NTNG1: variants seen among roughly 807,000 people sequenced by gnomAD.
NTNG1 encodes the protein netrin-G1.
In NTNG1, 16 loss-of-function variants were observed where a neutral mutation model predicts 54.0. The observed-to-expected ratio is 0.30, with a 90% CI of 0.20 to 0.45. The LOEUF (loss-of-function observed/expected upper bound fraction) is 0.45. NTNG1 is among the 20% of genes least tolerant of loss of function. The pLI, the probability that NTNG1 is intolerant of heterozygous loss-of-function variation, is 1.00. For missense variants in NTNG1, 530 were observed against 678.7 expected, an observed-to-expected ratio of 0.78 and a Z score of 2.43; for synonymous variants, 255 against 263.1, an observed-to-expected ratio of 0.97 and a Z score of 0.30.
At chr1:107,261,625 C>T (rs1343119186) in intron 2 of NTNG1, among the ~76,000 whole-genome samples, 4 of 152,178 alleles carry the variant, frequency 2.6e-5, no homozygotes, top group African/African-American at 7.2e-5. Flanking sequence ...GGGCAGATCA[C>T]GAGGCCAGGA....
chr1:107,395,019 C>T, intron 3 of NTNG1, 135 bp from the exon 4 acceptor site: 1 of 721,208 alleles, frequency 1.4e-6, no homozygotes, highest in Non-Finnish European at 2.4e-6. Flanking sequence ...GCTGGGCCTG[C>T]AAATCTATCT....
At position 107,413,263 on chromosome 1, in the gene NTNG1, C is replaced by G. The variant is rs189096791; in HGVS notation, c.1087+5555C>G. 1.7e-3 allele frequency among the ~76,000 whole-genome samples: 261 copies of G among 151,668 alleles called. 2 individuals are homozygous for G. Among genetic ancestry groups the G allele is most frequent in the African/African-American group, 6.1e-3 (253 of 41,350 alleles). On this transcript the variant is annotated intron_variant, in intron 5 of 7. Transcript: ENST00000370068. ...CTGCAAGCTCCACCTCCTGGGTTCA[C>G]GCCATTCTCCCACCTCAGCCTCCTG... is the stretch of plus-strand genomic sequence containing the variant.
chr1:107,431,741 C>T (rs1675281384), intron 6 of NTNG1, among the ~76,000 whole-genome samples: 1 of 152,128 alleles, frequency 6.6e-6, no homozygotes, highest in Non-Finnish European at 1.5e-5. Context: ...CTTCATAATT[C>T]ACTCTGAAGC....
At chr1:107,395,026 A>C (rs1215184452) in intron 3 of NTNG1, 128 bp from the exon 4 acceptor site, 9 of 739,426 alleles carry the variant, frequency 1.2e-5, no homozygotes, top group Non-Finnish European at 1.9e-5. Context: ...CTGCAAATCT[A>C]TCTCTTACTA....
At chr1:107,436,448 G>T (rs1675600436) in intron 6 of NTNG1, among the ~76,000 whole-genome samples, 1 of 152,192 alleles carries the variant, frequency 6.6e-6, no homozygotes, top group African/African-American at 2.4e-5. Context: ...TTCCTTGGAA[G>T]TTTTCAGTTG....
intron 2 of NTNG1, among the ~76,000 whole-genome samples, chr1:107,317,034 C>T (rs762022697): frequency 6.6e-6 from 1 of 152,214 alleles, no homozygotes; most frequent in Non-Finnish European, 1.5e-5. Flanking sequence ...TTAACATAGT[C>T]TCTCCAAACT....
intron 2 of NTNG1, 93 bp from the exon 3 acceptor site, chr1:107,324,189 T>C (rs1044850273): frequency 9.5e-6 from 11 of 1,154,620 alleles, no homozygotes; most frequent in African/African-American, 1.5e-5. Flanking sequence ...ATTTTTTTTT[T>C]CCTTTTCTAG....
chr1:107,296,007 G>C lies in NTNG1; in HGVS notation c.247-28275G>C, dbSNP rs1322120250. Among the ~76,000 whole-genome samples, 5 of 151,914 alleles carry C rather than the reference G, an allele frequency of 3.3e-5. No individual in the cohort carries two copies. In the East Asian group the frequency reaches 9.6e-4, roughly 29 times the overall value. On this transcript the variant is annotated intron_variant, in intron 2 of 7. Transcript: ENST00000370068. ...TAACCTCTTTGGCTCATCCGTCTTT[G>C]TCTCTTTTAAATAAGTGGTTTCTGC...
intron 3 of NTNG1, among the ~76,000 whole-genome samples, chr1:107,379,468 T>G (rs1038306143): frequency 2.6e-5 from 4 of 152,100 alleles, no homozygotes; most frequent in African/African-American, 7.2e-5. Flanking sequence ...TCATGAGAGA[T>G]AAAAACATGA....
chr1:107,428,785 C>T (rs558369814), intron 5 of NTNG1, among the ~76,000 whole-genome samples: 1 of 152,168 alleles, frequency 6.6e-6, no homozygotes, highest in South Asian at 2.1e-4. Flanking sequence ...CCTCAGAAGT[C>T]AGTAATGCCA....
chr1:107,159,336 C>T (rs1655240207), intron 2 of NTNG1, among the ~76,000 whole-genome samples: 1 of 152,128 alleles, frequency 6.6e-6, no homozygotes, highest in African/African-American at 2.4e-5. Context: ...GGAGACAGTG[C>T]TTTTATAGTG....
At chr1:107,251,618 G>C (rs1662614544) in intron 2 of NTNG1, among the ~76,000 whole-genome samples, 1 of 151,982 alleles carries the variant, frequency 6.6e-6, no homozygotes, top group South Asian at 2.1e-4. Flanking sequence ...TAGTACATTG[G>C]CATCTAAATT....
chr1:107,295,297 C>T (rs1394069760), intron 2 of NTNG1, among the ~76,000 whole-genome samples: 1 of 152,120 alleles, frequency 6.6e-6, no homozygotes, highest in African/African-American at 2.4e-5. Context: ...CCTTTTTGCT[C>T]ATTCATTGTG....
rs1251440724 is a variant in NTNG1 at position 107,480,774 on chromosome 1, G to C, written c.1554G>C (p.Pro518=). ...CGSDSGQGAP[P]HGSPALLLLT... is the part of the protein sequence containing the mutation. ...CCGACTCTGGCCAGGGCGCGCCCCC[G>C]CACGGCTCCCCAGCGCTGCTGCTGC... Residue 518 remains proline (P), a synonymous_variant, in exon 8 of 8, where the codon CCG becomes CCC. Coordinates refer to ENST00000370068, the MANE Select transcript of NTNG1 (RefSeq NM_001113226.3). 3 of 1,601,634 alleles carry C rather than the reference G, an allele frequency of 1.9e-6. No individual in the cohort carries two copies. Among genetic ancestry groups the C allele is most frequent in the Non-Finnish European group, 1.7e-6 (2 of 1,175,676 alleles).
At chr1:107,308,766 T>C (rs1666834537) in intron 2 of NTNG1, among the ~76,000 whole-genome samples, 1 of 152,194 alleles carries the variant, frequency 6.6e-6, no homozygotes, top group Non-Finnish European at 1.5e-5. Flanking sequence ...TTAATAATAT[T>C]GAATCTTCCT....
chr1:107,291,813 T>C (rs2101766592), intron 2 of NTNG1, among the ~76,000 whole-genome samples: 1 of 152,308 alleles, frequency 6.6e-6, no homozygotes, highest in Non-Finnish European at 1.5e-5. Flanking sequence ...AAACAGTTTT[T>C]AGACATGACC....
Position 107,324,504 on chromosome 1 carries a change from C to G in NTNG1, c.469C>G (p.Pro157Ala). 6.2e-7 allele frequency: 1 copy of G among 1,613,774 alleles called. No individual in the cohort carries two copies. Among genetic ancestry groups the G allele is most frequent in the East Asian group, 2.2e-5 (1 of 44,840 alleles). ...NIVITFESGR[P>A]DQMILEKSLD... ...AGTTATTACCTTTGAATCTGGGCGT[C>G]CAGACCAAATGATCCTGGAGAAGTC... Residue 157 changes from proline to alanine, a missense_variant, in exon 3 of 8, where the codon CCA (proline) becomes GCA (alanine). Physicochemically the swap from Pro to Ala is conservative, Grantham distance 27. Coordinates refer to ENST00000370068, the MANE Select transcript of NTNG1 (RefSeq NM_001113226.3).
intron 7 of NTNG1, among the ~76,000 whole-genome samples, chr1:107,457,849 G>A (rs1464305923): frequency 1.3e-5 from 2 of 152,078 alleles, no homozygotes; most frequent in East Asian, 3.9e-4. Context: ...CATAAATTTT[G>A]GGGGGCTTTT....
chr1:107,251,399 T>A (rs1662598190), intron 2 of NTNG1, among the ~76,000 whole-genome samples: 2 of 152,216 alleles, frequency 1.3e-5, no homozygotes, highest in Admixed American at 1.3e-4. Context: ...ATTCCCCTTT[T>A]TGGCTTTTAA....
Sources: allele counts gnomAD v4.1 joint callset (sites outside exome capture counted in the v4.1 genomes callset), GRCh38; gene constraint gnomAD v4.1.1; transcripts MANE v1.5; gene names NCBI Gene and HGNC (gene_info 2026-07-23, HGNC 2026-07-21).